Variants in CRPPA observed in about 807,000 individuals in gnomAD.
The protein encoded by CRPPA is CDP-L-ribitol pyrophosphorylase A, also known as D-ribitol-5-phosphate cytidylyltransferase.
In CRPPA, 43 loss-of-function variants were observed where a neutral mutation model predicts 52.0. The observed-to-expected ratio is 0.83, with a 90% confidence interval of 0.65 to 1.07. CRPPA has a LOEUF of 1.07. Among genes scored for constraint, CRPPA ranks in the 50% least tolerant of loss-of-function variants. The pLI is 0.00. For synonymous variants in CRPPA, 250 were observed against 203.5 expected, an observed-to-expected ratio of 1.23 and a Z score of -1.94; for missense variants, 629 against 551.7, an observed-to-expected ratio of 1.14 and a Z score of -1.40.
At chr7:16,371,473 C>A (rs1208262474) in intron 3 of CRPPA, among the ~76,000 whole-genome samples, 1 of 151,524 alleles carries the variant, frequency 6.6e-6, no homozygotes, top group Non-Finnish European at 1.5e-5. Context: ...CCTAAAAGCA[C>A]CAAAAATCAA....
chr7:16,135,438 G>C (rs911512940), intron 9 of CRPPA, among the ~76,000 whole-genome samples: 4 of 152,064 alleles, frequency 2.6e-5, no homozygotes, highest in Middle Eastern at 3.4e-3. Context: ...TTGGAATTTT[G>C]CTTCCTCAGC....
At chr7:16,233,071 T>C (rs1426300802) in intron 8 of CRPPA, among the ~76,000 whole-genome samples, 2 of 152,004 alleles carry the variant, frequency 1.3e-5, no homozygotes, top group African/African-American at 4.8e-5. Flanking sequence ...CTAGAAATAA[T>C]TAACAGAAAA....
intron 9 of CRPPA, among the ~76,000 whole-genome samples, chr7:16,176,996 C>T (rs1259420741): frequency 2.0e-5 from 3 of 152,052 alleles, no homozygotes; most frequent in Admixed American, 6.6e-5. Context: ...ATATACGCAG[C>T]AACACAAATT....
intron 3 of CRPPA, among the ~76,000 whole-genome samples, chr7:16,356,112 GAA>G (rs200803448): frequency 6.7e-6 from 1 of 149,384 alleles, no homozygotes; most frequent in Admixed American, 6.7e-5. Context: ...CCAAAATCAT[GAA>G]AAAAAAATGT....
chr7:16,200,154 G>A (rs757951404), intron 9 of CRPPA, among the ~76,000 whole-genome samples: 13 of 152,204 alleles, frequency 8.5e-5, no homozygotes, highest in Non-Finnish European at 1.3e-4. Flanking sequence ...CACTCTGCCC[G>A]GCCAGATCTG....
chr7:16,247,387 C>A (rs774579230), intron 8 of CRPPA, among the ~76,000 whole-genome samples: 2 of 152,060 alleles, frequency 1.3e-5, no homozygotes. Flanking sequence ...TGTTTTGTTT[C>A]AGGGAATAGG....
At chr7:16,186,149 GT>G (rs1428584102) in intron 9 of CRPPA, among the ~76,000 whole-genome samples, 15 of 152,308 alleles carry the variant, frequency 9.8e-5, no homozygotes, top group Admixed American at 6.5e-4. Context: ...AATGTTAGCA[GT>G]TACTTTCTTT....
rs183412156 is a variant in CRPPA, at chr7:16,249,440, C to A, written c.1119+8950G>T. Among the ~76,000 whole-genome samples the A allele has an allele frequency of 6.9e-3, 1,044 of 152,284 alleles. 9 individuals carry two copies. Among genetic ancestry groups the A allele is most frequent in the Middle Eastern group, 0.017 (5 of 294 alleles). On this transcript the variant is annotated intron_variant, in intron 8 of 9. Transcript: ENST00000407010. ...ACCCGCGTAGCCTGACTGGGAGATACCTCCCAGTAGGGGCTGATGGACATC... is the reference window on the plus strand; with the variant it reads ...ACCCGCGTAGCCTGACTGGGAGATAACTCCCAGTAGGGGCTGATGGACATC...
At chr7:16,214,606 G>C (rs566808511) in intron 9 of CRPPA, among the ~76,000 whole-genome samples, 2 of 152,106 alleles carry the variant, frequency 1.3e-5, no homozygotes, top group African/African-American at 4.8e-5. Flanking sequence ...CCAGATTCAA[G>C]TGATTCTCCC....
rs186331517 is a variant in CRPPA, at chr7:16,255,775, C to T, written c.1119+2615G>A. On this transcript the variant is annotated intron_variant, in intron 8 of 9. Transcript: ENST00000407010. ...CTGAAACTGGATCCCTTCCTTATGC[C>T]TTATACAAAAATTAACTCAAGATCA... Among the ~76,000 whole-genome samples, 23 of 152,150 alleles carry T rather than the reference C, an allele frequency of 1.5e-4. No homozygotes were observed. In the East Asian group the frequency reaches 3.3e-3, roughly 22 times the overall value.
intron 3 of CRPPA, among the ~76,000 whole-genome samples, chr7:16,327,975 C>G (rs917876120): frequency 6.6e-6 from 1 of 152,198 alleles, no homozygotes; most frequent in Admixed American, 6.5e-5. Context: ...AAGAAAAACC[C>G]TCCATGATTT....
intron 2 of CRPPA, among the ~76,000 whole-genome samples, chr7:16,387,064 TATATATATATATATATATATATACAC>T (rs1236973189): frequency 0.012 from 854 of 73,948 alleles, 23 homozygotes; most frequent in East Asian, 0.063. Flanking sequence ...TATATATATA[TATATATATATATATATATATATACAC>T]ACATATATAT....
At chr7:16,311,691 T>C (rs1342878491) in intron 3 of CRPPA, among the ~76,000 whole-genome samples, 4 of 152,128 alleles carry the variant, frequency 2.6e-5, no homozygotes, top group Admixed American at 6.5e-5. Context: ...GAGTATGTTT[T>C]GTAAGATGCT....
intron 9 of CRPPA, among the ~76,000 whole-genome samples, chr7:16,118,281 G>A (rs1047845112): frequency 3.3e-5 from 5 of 152,140 alleles, no homozygotes; most frequent in South Asian, 2.1e-4. Context: ...AGATGGGGCC[G>A]ACTTGTGTAG....
At chr7:16,270,948 G>C (rs1183272192) in intron 6 of CRPPA, among the ~76,000 whole-genome samples, 1 of 151,872 alleles carries the variant, frequency 6.6e-6, no homozygotes, top group African/African-American at 2.4e-5. Flanking sequence ...AATTTACTGA[G>C]GTCTATAACA....
chr7:16,321,983 T>C (rs1785275553), intron 3 of CRPPA, among the ~76,000 whole-genome samples: 1 of 151,992 alleles, frequency 6.6e-6, no homozygotes, highest in Admixed American at 6.6e-5. Flanking sequence ...CAGAAGAAAC[T>C]AAAAGAGACA....
chr7:16,103,901 T>C (rs1285886023), intron 9 of CRPPA, among the ~76,000 whole-genome samples: 4 of 152,106 alleles, frequency 2.6e-5, no homozygotes. Context: ...TTAGATTTGT[T>C]CACATAACAT....
intron 3 of CRPPA, among the ~76,000 whole-genome samples, chr7:16,325,520 G>A (rs1785363295): frequency 6.6e-6 from 1 of 152,102 alleles, no homozygotes. Flanking sequence ...GGAACAATAA[G>A]AACTATCAGA....
rs936234092 is a variant in CRPPA, at chr7:16,226,013, A to C, written c.1120-9816T>G. ...CAAGATGCCTGTAAGGCAGGTATACACTGTATCCAAGTCATATTAGAAAAG... is the reference window on the plus strand; with the variant it reads ...CAAGATGCCTGTAAGGCAGGTATACCCTGTATCCAAGTCATATTAGAAAAG... On this transcript the variant is annotated intron_variant, in intron 8 of 9. Coordinates refer to ENST00000407010, the MANE Select transcript of CRPPA (RefSeq NM_001101426.4). 9.9e-5 allele frequency among the ~76,000 whole-genome samples: 15 copies of C among 152,130 alleles called. No homozygotes were observed. In the East Asian group the frequency reaches 1.7e-3, roughly 18 times the overall value.
Sources: gnomAD v4.1 joint callset for allele counts (sites outside exome capture counted in the v4.1 genomes callset) on GRCh38, gnomAD v4.1.1 for gene constraint, MANE v1.5 for transcripts, NCBI Gene and HGNC (gene_info 2026-07-23, HGNC 2026-07-21) for gene names.